The following FAAH2 variants were observed in gnomAD, a reference collection of about 807,000 sequenced individuals.
FAAH2 encodes the protein fatty acid amide hydrolase 2, also known as fatty-acid amide hydrolase 2.
FAAH2 carries 60 observed loss-of-function variants against 36.9 expected under a neutral mutation model. The observed-to-expected ratio is 1.63, with a 90% CI of 1.32 to 2.02. The LOEUF is 2.02. Among genes scored for constraint, FAAH2 ranks in the 30% most tolerant of loss-of-function variants. The pLI is 0.00. For missense variants in FAAH2, 689 were observed against 397.5 expected (o/e 1.73, Z -6.23); for synonymous variants, 214 against 143.8 (o/e 1.49, Z -3.49).
intron 2 of FAAH2, among the ~76,000 whole-genome samples, chrX:57,303,908 A>G (rs1299612741): frequency 8.9e-6 from 1 of 111,983 alleles, no homozygotes; most frequent in Non-Finnish European, 1.9e-5. Context: ...CTATGACTCA[A>G]TTAAAAATAA....
intron 8 of FAAH2, among the ~76,000 whole-genome samples, chrX:57,440,340 G>A (rs1365287702): frequency 9.0e-6 from 1 of 111,273 alleles, no homozygotes; most frequent in East Asian, 2.8e-4. Flanking sequence ...TGGATTCCTA[G>A]ATATTTTATT....
At chrX:57,215,522 T>C in the FAAH2 span, among the ~76,000 whole-genome samples, 2 of 111,665 alleles carry the variant, frequency 1.8e-5, no homozygotes, top group Non-Finnish European at 3.8e-5. Flanking sequence ...ACACATATGT[T>C]TACTGCAGCA....
At chrX:57,321,326 G>T (rs1461513913) in intron 3 of FAAH2, among the ~76,000 whole-genome samples, 1 of 109,222 alleles carries the variant, frequency 9.2e-6, no homozygotes, top group Admixed American at 9.9e-5. Context: ...GCACATTGGG[G>T]GTTCGGGATC....
the FAAH2 span, among the ~76,000 whole-genome samples, chrX:57,208,656 A>G: frequency 8.9e-6 from 1 of 111,884 alleles, no homozygotes; most frequent in Non-Finnish European, 1.9e-5. Flanking sequence ...CACAACCTTC[A>G]GAGCTGAGAG....
At chrX:57,393,428 G>T in intron 7 of FAAH2, 2 of 798,160 alleles carry the variant, frequency 2.5e-6, no homozygotes, top group Non-Finnish European at 3.9e-6. Flanking sequence ...TCCAATGTCT[G>T]CTCCAAATCC....
At chrX:57,257,863 T>C in the FAAH2 span, among the ~76,000 whole-genome samples, 1 of 111,500 alleles carries the variant, frequency 9.0e-6, no homozygotes, top group African/African-American at 3.3e-5. Context: ...GTTCATGGAT[T>C]AGTAAAATCA....
the FAAH2 span, among the ~76,000 whole-genome samples, chrX:57,270,785 A>T: frequency 9.0e-6 from 1 of 111,030 alleles, no homozygotes; most frequent in African/African-American, 3.3e-5. Flanking sequence ...AGCCTGAGGA[A>T]CTCCAGCACA....
At chrX:57,249,134 A>G in the FAAH2 span, among the ~76,000 whole-genome samples, 1 of 111,761 alleles carries the variant, frequency 8.9e-6, no homozygotes, top group East Asian at 2.8e-4. Flanking sequence ...AGATATTGAA[A>G]TATGAGTTTG....
At chrX:57,270,215 G>A in the FAAH2 span, among the ~76,000 whole-genome samples, 5 of 111,609 alleles carry the variant, frequency 4.5e-5, no homozygotes, top group Admixed American at 4.8e-4. Context: ...TGAAATGGAG[G>A]CAGTAATAAA....
At chrX:57,483,496 C>T (rs1179378922) in intron 10 of FAAH2, among the ~76,000 whole-genome samples, 2 of 110,799 alleles carry the variant, frequency 1.8e-5, no homozygotes, top group African/African-American at 6.6e-5. Flanking sequence ...AGTTTGAATT[C>T]TTTATCTGTC....
At chrX:57,395,358 C>T in intron 7 of FAAH2, 1 of 692,628 alleles carries the variant, frequency 1.4e-6, no homozygotes, top group East Asian at 3.8e-5. Context: ...TTCAGTCTCG[C>T]CCTTATTTGT....
intron 2 of FAAH2, among the ~76,000 whole-genome samples, chrX:57,294,691 C>T (rs1016161615): frequency 2.7e-5 from 3 of 111,645 alleles, no homozygotes; most frequent in Non-Finnish European, 3.8e-5. Flanking sequence ...TTACTTTTGC[C>T]TGGAACACTT....
chrX:57,415,236 C>A (rs1424779250), intron 7 of FAAH2, among the ~76,000 whole-genome samples: 2 of 110,718 alleles, frequency 1.8e-5, no homozygotes, highest in Non-Finnish European at 3.8e-5. Flanking sequence ...CAGTTCTGCA[C>A]TGATCTTAGT....
intron 5 of FAAH2, among the ~76,000 whole-genome samples, chrX:57,361,822 T>C (rs1301669087): frequency 2.7e-5 from 3 of 112,077 alleles, no homozygotes; most frequent in African/African-American, 9.7e-5. Context: ...GTTTCTTATA[T>C]GACAGTTCTA....
intron 3 of FAAH2, among the ~76,000 whole-genome samples, chrX:57,320,489 G>A (rs753943646): frequency 8.0e-5 from 9 of 112,385 alleles, no homozygotes; most frequent in African/African-American, 2.6e-4. Flanking sequence ...ATGCTAGTTA[G>A]AATGGTGATC....
At chrX:57,461,136 C>T (rs1237762971) in intron 10 of FAAH2, among the ~76,000 whole-genome samples, 1 of 73,310 alleles carries the variant, frequency 1.4e-5, no homozygotes, top group Non-Finnish European at 3.4e-5. Context: ...TACAGGAGCA[C>T]CAGATTAATA....
At chrX:57,201,981 T>A in the FAAH2 span, among the ~76,000 whole-genome samples, 2 of 112,098 alleles carry the variant, frequency 1.8e-5, no homozygotes, top group African/African-American at 3.2e-5. Context: ...AATTTCTACT[T>A]CTTTATACTT....
chrX:57,380,243 T>G (rs910393204), intron 6 of FAAH2, among the ~76,000 whole-genome samples: 8 of 110,752 alleles, frequency 7.2e-5, no homozygotes, highest in Non-Finnish European at 1.5e-4. Context: ...TCTTTCTACT[T>G]ACCCTCTCAG....
chrX:57,464,165 C>A (rs952503939), intron 10 of FAAH2, among the ~76,000 whole-genome samples: 5 of 111,476 alleles, frequency 4.5e-5, no homozygotes, highest in Non-Finnish European at 9.4e-5. Flanking sequence ...AACAGAAAAC[C>A]AAACACTGCA....
Sources: gnomAD v4.1 joint callset for allele counts (sites outside exome capture counted in the v4.1 genomes callset) on GRCh38, gnomAD v4.1.1 for gene constraint, MANE v1.5 for transcripts, NCBI Gene and HGNC (gene_info 2026-07-23, HGNC 2026-07-21) for gene names.